The following NPAS2 variants were observed in gnomAD, a reference collection of about 807,000 sequenced individuals.
The protein encoded by NPAS2 is neuronal PAS domain protein 2.
Under a neutral mutation model 107.5 loss-of-function variants are expected in NPAS2, and 23 were observed. That is an observed-to-expected ratio of 0.21 (90% CI 0.15 to 0.30). NPAS2 has a LOEUF of 0.30. NPAS2 is among the 10% of genes least tolerant of loss of function. The pLI is 1.00. For synonymous variants in NPAS2, 403 were observed against 417.5 expected (o/e 0.97, Z 0.42); for missense variants, 756 against 1,043.3 (o/e 0.72, Z 3.79).
At position 100,873,299 on chromosome 2, in the gene NPAS2, TATATATATACACACACAC is replaced by T. The variant is rs1220287830; in HGVS notation, c.-22-31432_-22-31415del. 1.7e-3 allele frequency among the ~76,000 whole-genome samples: 77 copies of T among 44,968 alleles called. 1 individual carries two copies. Among genetic ancestry groups the T allele is most frequent in the African/African-American group, 5.4e-3 (73 of 13,466 alleles). 29.5% of individuals were successfully genotyped at this position (44,968 alleles called of 152,430 possible). On this transcript the variant is annotated intron_variant, in intron 1 of 20. Coordinates refer to ENST00000335681, the MANE Select transcript of NPAS2 (RefSeq NM_002518.4). ...ACATATATATATATATATATATATA[TATATATATACACACACAC>T]ACACACACACACACACACACACACA...
At chr2:100,861,419 A>G (rs1407467213) in intron 1 of NPAS2, among the ~76,000 whole-genome samples, 1 of 152,174 alleles carries the variant, frequency 6.6e-6, no homozygotes, top group East Asian at 1.9e-4. Context: ...TGGAACCGAC[A>G]GAATTGTGAT....
chr2:100,925,866 G>A (rs1464873924), intron 3 of NPAS2, among the ~76,000 whole-genome samples: 1 of 152,072 alleles, frequency 6.6e-6, no homozygotes, highest in Non-Finnish European at 1.5e-5. Context: ...TATTCACAAG[G>A]TGGTGTAACC....
intron 12 of NPAS2, 47 bp from the exon 13 acceptor site, chr2:100,974,756 T>A: frequency 6.3e-7 from 1 of 1,580,770 alleles, no homozygotes; most frequent in Non-Finnish European, 8.6e-7. Flanking sequence ...CCACTGATTC[T>A]TTCCTCTTGA....
At chr2:100,838,771 G>A (rs902136019) in intron 1 of NPAS2, among the ~76,000 whole-genome samples, 2 of 152,134 alleles carry the variant, frequency 1.3e-5, no homozygotes, top group East Asian at 1.9e-4. Flanking sequence ...TAATGAGGGT[G>A]AATTTGCTTT....
chr2:100,847,401 G>A (rs1003909231), intron 1 of NPAS2, among the ~76,000 whole-genome samples: 3 of 151,380 alleles, frequency 2.0e-5, no homozygotes, highest in African/African-American at 7.3e-5. Context: ...ACGGAGTCTC[G>A]CTCTTTCGCC....
intron 1 of NPAS2, among the ~76,000 whole-genome samples, chr2:100,897,603 C>T (rs557904437): frequency 6.6e-6 from 1 of 152,268 alleles, no homozygotes; most frequent in East Asian, 1.9e-4. Context: ...CCCACACTCC[C>T]TTCAGGTCAC....
At chr2:100,850,162 C>A (rs1363665726) in intron 1 of NPAS2, among the ~76,000 whole-genome samples, 3 of 151,650 alleles carry the variant, frequency 2.0e-5, no homozygotes, top group African/African-American at 7.3e-5. Context: ...AAAAGGTAAT[C>A]AAAATGTAAA....
chr2:100,979,871 T>C (rs1347960499), intron 15 of NPAS2, among the ~76,000 whole-genome samples: 3 of 152,106 alleles, frequency 2.0e-5, no homozygotes, highest in African/African-American at 7.2e-5. Context: ...AATACTGACT[T>C]TCCAAGTCAC....
At position 100,885,993 on chromosome 2, in the gene NPAS2, A is replaced by G. The variant is rs538974156; in HGVS notation, c.-22-18740A>G. 2.6e-5 allele frequency among the ~76,000 whole-genome samples: 4 copies of G among 152,354 alleles called. No individual in the cohort carries two copies. In the East Asian group the frequency reaches 7.7e-4, roughly 29 times the overall value. On this transcript the variant is annotated intron_variant, in intron 1 of 20. Coordinates refer to ENST00000335681, the MANE Select transcript of NPAS2 (RefSeq NM_002518.4). Reference sequence around the variant, plus strand: ...TTATTTTAACAGCATTTCACTTTCAATTTTGTTAAATTTGGCTAGACATGT... The same window carrying G: ...TTATTTTAACAGCATTTCACTTTCAGTTTTGTTAAATTTGGCTAGACATGT...
At chr2:100,905,819 G>T (rs192092067) in intron 2 of NPAS2, among the ~76,000 whole-genome samples, 9 of 152,248 alleles carry the variant, frequency 5.9e-5, no homozygotes, top group Non-Finnish European at 1.2e-4. Context: ...AAATGGTAGT[G>T]CCCTCAGGTA....
chr2:100,894,861 G>A (rs1166636587), intron 1 of NPAS2, among the ~76,000 whole-genome samples: 1 of 152,206 alleles, frequency 6.6e-6, no homozygotes, highest in African/African-American at 2.4e-5. Flanking sequence ...GTGAAGTACT[G>A]CTCTTATGGC....
chr2:100,932,817 A>C, intron 3 of NPAS2, 93 bp from the exon 4 acceptor site: 1 of 878,710 alleles, frequency 1.1e-6, no homozygotes, highest in Non-Finnish European at 1.9e-6. Context: ...AGAAGTTTAC[A>C]CAAAATTACA....
At chr2:100,837,953 G>C (rs933032081) in intron 1 of NPAS2, among the ~76,000 whole-genome samples, 9 of 152,134 alleles carry the variant, frequency 5.9e-5, no homozygotes, top group African/African-American at 2.2e-4. Flanking sequence ...TGAGGCTGAG[G>C]CTCATCAGTG....
intron 2 of NPAS2, 128 bp downstream of exon 2, chr2:100,904,914 T>A (rs1682043249): frequency 1.4e-6 from 1 of 698,036 alleles, no homozygotes; most frequent in Non-Finnish European, 2.6e-6. Context: ...TAGGACACAC[T>A]CTCTGTGACA....
intron 1 of NPAS2, among the ~76,000 whole-genome samples, chr2:100,879,729 C>T (rs1680214584): frequency 6.6e-6 from 1 of 152,176 alleles, no homozygotes; most frequent in South Asian, 2.1e-4. Flanking sequence ...TAATATCGTG[C>T]TTCACACTGG....
chr2:100,839,165 G>C (rs534091821), intron 1 of NPAS2, among the ~76,000 whole-genome samples: 1 of 152,232 alleles, frequency 6.6e-6, no homozygotes, highest in South Asian at 2.1e-4. Flanking sequence ...GTCTCTCTCT[G>C]TTGCCCAGGC....
chr2:100,829,990 A>C (rs1018869874), intron 1 of NPAS2, among the ~76,000 whole-genome samples: 1 of 152,094 alleles, frequency 6.6e-6, no homozygotes, highest in African/African-American at 2.4e-5. Context: ...CAAAAGAAAA[A>C]ACCTTCTCAG....
At chr2:100,873,295 T>C (rs1224883577) in intron 1 of NPAS2, among the ~76,000 whole-genome samples, 6 of 44,006 alleles carry the variant, frequency 1.4e-4, no homozygotes, top group South Asian at 1.8e-3. Flanking sequence ...TATATATATA[T>C]ATATATATAT....
chr2:100,887,145 C>G (rs899756233), intron 1 of NPAS2, among the ~76,000 whole-genome samples: 2 of 152,174 alleles, frequency 1.3e-5, no homozygotes, highest in Non-Finnish European at 2.9e-5. Flanking sequence ...TCCTGAGGAC[C>G]CCAGCATTAG....
Sources: gnomAD v4.1 joint callset for allele counts (sites outside exome capture counted in the v4.1 genomes callset) on GRCh38, gnomAD v4.1.1 for gene constraint, MANE v1.5 for transcripts, NCBI Gene and HGNC (gene_info 2026-07-23, HGNC 2026-07-21) for gene names.